MYOM1: variants seen among roughly 807,000 people sequenced by gnomAD.
The protein encoded by MYOM1 is myomesin 1, also known as myomesin-1.
Under a neutral mutation model 205.3 loss-of-function variants are expected in MYOM1, and 164 were observed. The observed-to-expected ratio is 0.80, with a 90% confidence interval of 0.70 to 0.91. The LOEUF (loss-of-function observed/expected upper bound fraction) is 0.91. Among genes scored for constraint, MYOM1 ranks in the 40% least tolerant of loss-of-function variants. The probability of loss-of-function intolerance (pLI) is 0.00; values close to 1 mark genes in which losing one functional copy is unlikely to be tolerated. For synonymous variants in MYOM1, 772 were observed against 789.4 expected (o/e 0.98, Z 0.37); for missense variants, 2,011 against 2,127.3 (o/e 0.95, Z 1.08).
At chr18:3,075,632 A>G (rs1178755985) in intron 35 of MYOM1, 93 bp downstream of exon 35, 2 of 1,456,830 alleles carry the variant, frequency 1.4e-6, no homozygotes. Context: ...CTGAAATAAA[A>G]GGCTCTTTCT....
chr18:3,149,025 G>T, intron 13 of MYOM1, 120 bp downstream of exon 13: 1 of 785,664 alleles, frequency 1.3e-6, no homozygotes. Context: ...ACAATCTCCA[G>T]ATATTTTAGA....
intron 10 of MYOM1, among the ~76,000 whole-genome samples, chr18:3,160,911 C>T (rs1383513567): frequency 2.6e-5 from 4 of 152,086 alleles, no homozygotes; most frequent in African/African-American, 4.8e-5. Context: ...TGGGTGTGGG[C>T]GCTGAGAAAT....
At chr18:3,090,599 G>T in intron 27 of MYOM1, 59 bp downstream of exon 27, 1 of 1,590,686 alleles carries the variant, frequency 6.3e-7, no homozygotes, top group East Asian at 2.2e-5. Flanking sequence ...TGTGCCATGG[G>T]GTACTTAGAT....
chr18:3,142,901 G>A (rs899472482), intron 13 of MYOM1, among the ~76,000 whole-genome samples: 2 of 152,172 alleles, frequency 1.3e-5, no homozygotes, highest in Admixed American at 1.3e-4. Context: ...GTCTTATCAG[G>A]CAGGGAGGGA....
the MYOM1 span, among the ~76,000 whole-genome samples, chr18:3,240,746 G>A: frequency 6.6e-6 from 1 of 152,220 alleles, no homozygotes; most frequent in African/African-American, 2.4e-5. Flanking sequence ...GGGCTCAGAA[G>A]AAGAGAGGAA....
At chr18:3,102,962 T>G (rs2079400892) in intron 22 of MYOM1, among the ~76,000 whole-genome samples, 1 of 152,094 alleles carries the variant, frequency 6.6e-6, no homozygotes, top group African/African-American at 2.4e-5. Flanking sequence ...CAATTGATCT[T>G]TATCAGACCC....
chr18:3,188,087 C>A (rs2080847177), intron 4 of MYOM1, among the ~76,000 whole-genome samples: 1 of 151,934 alleles, frequency 6.6e-6, no homozygotes, highest in African/African-American at 2.4e-5. Context: ...AAGTAATTCT[C>A]CTGCCTTGGC....
At chr18:3,112,189 T>A (rs147299197) in intron 22 of MYOM1, 109 bp downstream of exon 22, 2 of 810,168 alleles carry the variant, frequency 2.5e-6, no homozygotes, top group East Asian at 5.5e-5. Context: ...TATATTCAGA[T>A]AGCACACATT....
At chr18:3,090,547 C>G (rs2079211500) in intron 27 of MYOM1, 111 bp downstream of exon 27, 1 of 1,387,550 alleles carries the variant, frequency 7.2e-7, no homozygotes, top group South Asian at 1.3e-5. Flanking sequence ...CATTAGAAGT[C>G]AATTAAGAAA....
the MYOM1 span, among the ~76,000 whole-genome samples, chr18:3,243,313 G>A: frequency 6.6e-6 from 1 of 152,108 alleles, no homozygotes; most frequent in East Asian, 1.9e-4. Flanking sequence ...ATGTATGTAG[G>A]CAAAACCAGA....
the MYOM1 span, among the ~76,000 whole-genome samples, chr18:3,233,020 G>A: frequency 6.6e-5 from 10 of 152,250 alleles, no homozygotes; most frequent in South Asian, 8.3e-4. Context: ...TTTTATAATG[G>A]AAAGAGCATA....
intron 2 of MYOM1, among the ~76,000 whole-genome samples, chr18:3,211,287 A>G (rs2081187870): frequency 6.6e-6 from 1 of 152,202 alleles, no homozygotes; most frequent in Non-Finnish European, 1.5e-5. Flanking sequence ...TAACATTGGC[A>G]TTAGGAAAGA....
intron 26 of MYOM1, among the ~76,000 whole-genome samples, chr18:3,091,765 T>C (rs569363913): frequency 6.7e-6 from 1 of 148,410 alleles, no homozygotes; most frequent in South Asian, 2.1e-4. Context: ...GGATTCTTGT[T>C]CTGTCGCCCA....
intron 10 of MYOM1, among the ~76,000 whole-genome samples, chr18:3,158,040 T>A (rs2080326912): frequency 6.6e-6 from 1 of 152,206 alleles, no homozygotes; most frequent in East Asian, 1.9e-4. Flanking sequence ...TCTATTGTCT[T>A]TATTGTAAAA....
At chr18:3,104,745 CTTTTTTTTTTTTT>C (rs745369627) in intron 22 of MYOM1, among the ~76,000 whole-genome samples, 7 of 80,588 alleles carry the variant, frequency 8.7e-5, no homozygotes, top group Non-Finnish European at 1.3e-4. Flanking sequence ...GAATTGGAAT[CTTTTTTTTTTTTT>C]TTTTTTTTTT....
chr18:3,173,552 C>T (rs66513435), intron 8 of MYOM1, among the ~76,000 whole-genome samples: 48,465 of 149,608 alleles, frequency 0.32, 7,907 homozygotes, highest in African/African-American at 0.37. Flanking sequence ...TGAGAAAGAG[C>T]GCTTTGATAT....
intron 11 of MYOM1, among the ~76,000 whole-genome samples, chr18:3,153,222 T>C (rs1244537322): frequency 6.6e-6 from 1 of 152,216 alleles, no homozygotes; most frequent in Non-Finnish European, 1.5e-5. Flanking sequence ...CCGCAGCACG[T>C]TGGAGCAGAA....
chr18:3,197,894 A>G (rs114285797), intron 2 of MYOM1, among the ~76,000 whole-genome samples: 1,622 of 152,212 alleles, frequency 0.011, 27 homozygotes, highest in African/African-American at 0.036. Context: ...AGAAAAAGAA[A>G]AAGAAATGTT....
chr18:3,225,197 C>T, the MYOM1 span, among the ~76,000 whole-genome samples: 3 of 151,494 alleles, frequency 2.0e-5, no homozygotes, highest in South Asian at 2.1e-4. Context: ...CCGTGTTAGC[C>T]AGGATGGTCT....
Sources: gnomAD v4.1 joint callset for allele counts (sites outside exome capture counted in the v4.1 genomes callset) on GRCh38, gnomAD v4.1.1 for gene constraint, MANE v1.5 for transcripts, NCBI Gene and HGNC (gene_info 2026-07-23, HGNC 2026-07-21) for gene names.